The following LIPK variants were observed in gnomAD, a reference collection of about 807,000 sequenced individuals.
LIPK encodes the protein lipase member K.
A neutral mutation model predicts 48.6 loss-of-function variants in LIPK; 32 were observed. The observed-to-expected ratio is 0.66, with a 90% CI of 0.50 to 0.88. LIPK has a LOEUF of 0.88. Ranked by LOEUF, LIPK falls within the 40% of genes least tolerant of loss-of-function variation. The pLI, the probability that LIPK is intolerant of heterozygous loss-of-function variation, is 0.00. For synonymous variants in LIPK, 164 were observed against 157.4 expected (o/e 1.04, Z -0.32); for missense variants, 507 against 478.5 (o/e 1.06, Z -0.56).
chr10:88,710,931 T>C (rs1842016099), intron 1 of LIPK, among the ~76,000 whole-genome samples: 1 of 152,188 alleles, frequency 6.6e-6, no homozygotes, highest in Non-Finnish European at 1.5e-5. Flanking sequence ...CATCAATATA[T>C]GGAAAGGTCC....
rs1841981289 is a variant in LIPK at position 88,708,986 on chromosome 10, T to C, written c.-12+2666T>C. ...TGTGATTTTAATTTTTCTTTGTATA[T>C]AATTGTCCAAAGGATCATAACACAT... On this transcript the variant is annotated intron_variant, in intron 1 of 9. Coordinates refer to ENST00000404190, the MANE Select transcript of LIPK (RefSeq NM_001080518.2). Among the ~76,000 whole-genome samples the C allele has an allele frequency of 2.0e-5, 3 of 152,308 alleles. No individual in the cohort carries two copies. In the South Asian group the frequency reaches 6.2e-4, roughly 32 times the overall value.
At chr10:88,729,950 C>G (rs1291686143) in intron 3 of LIPK, among the ~76,000 whole-genome samples, 1 of 152,200 alleles carries the variant, frequency 6.6e-6, no homozygotes, top group Non-Finnish European at 1.5e-5. Flanking sequence ...TTTCTCACTT[C>G]TTTCTTTTTC....
intron 4 of LIPK, among the ~76,000 whole-genome samples, chr10:88,731,552 G>T (rs1172248675): frequency 6.6e-6 from 1 of 152,238 alleles, no homozygotes; most frequent in African/African-American, 2.4e-5. Flanking sequence ...GGAGCAAACT[G>T]ATGCACTGGC....
intron 1 of LIPK, among the ~76,000 whole-genome samples, chr10:88,718,119 C>A (rs1252189294): frequency 2.6e-5 from 4 of 151,542 alleles, no homozygotes; most frequent in African/African-American, 4.8e-5. Flanking sequence ...CCCATGCATT[C>A]TACATTCCCA....
At chr10:88,709,889 T>G (rs994095895) in intron 1 of LIPK, among the ~76,000 whole-genome samples, 1 of 152,140 alleles carries the variant, frequency 6.6e-6, no homozygotes, top group African/African-American at 2.4e-5. Flanking sequence ...CCAGAAATTC[T>G]CAGGCCAAAT....
At chr10:88,733,826 C>T (rs117920091) in intron 6 of LIPK, among the ~76,000 whole-genome samples, 5,221 of 152,262 alleles carry the variant, frequency 0.034, 138 homozygotes, top group Non-Finnish European at 0.056. Flanking sequence ...GGAGCTACTA[C>T]TTCAAGGCCC....
At chr10:88,727,484 A>G (rs1340960872) in intron 3 of LIPK, 1 of 162,132 alleles carries the variant, frequency 6.2e-6, no homozygotes, top group Non-Finnish European at 1.3e-5. Context: ...TAGCAACAGC[A>G]TCTCAGCTTG....
chr10:88,720,685 G>C (rs1307542478), intron 1 of LIPK, among the ~76,000 whole-genome samples: 1 of 148,946 alleles, frequency 6.7e-6, no homozygotes, highest in South Asian at 2.2e-4. Flanking sequence ...GTATGTGTGT[G>C]TGTAGTCTGA....
At chr10:88,737,443 G>A (rs1842594928) in intron 6 of LIPK, among the ~76,000 whole-genome samples, 192 bp from the exon 7 acceptor site, 1 of 152,110 alleles carries the variant, frequency 6.6e-6, no homozygotes, top group South Asian at 2.1e-4. Flanking sequence ...CCCAATTAAA[G>A]ATTTTTGGGA....
chr10:88,733,342 C>T (rs1217131841), intron 6 of LIPK, among the ~76,000 whole-genome samples: 1 of 152,200 alleles, frequency 6.6e-6, no homozygotes, highest in Admixed American at 6.5e-5. Flanking sequence ...TGTATTTTAA[C>T]ATGGGCTTCT....
intron 3 of LIPK, chr10:88,728,645 G>A (rs753376655): frequency 4.9e-5 from 24 of 489,648 alleles, no homozygotes; most frequent in Non-Finnish European, 9.8e-5. Flanking sequence ...CCTACAGGAA[G>A]CTGCTGGAGG....
rs115515325 is a variant in LIPK, at chr10:88,707,363, A to G, written c.-12+1043A>G. Among the ~76,000 whole-genome samples the G allele has an allele frequency of 7.6e-3, 1,164 of 152,210 alleles. 16 individuals are homozygous for G. The highest frequency in any genetic ancestry group is 0.026 in the African/African-American group (1,094 of 41,548). ...TATCCTGTCTCTCCCTTACTTTGTA[A>G]GGACATTGAGGGAAAAATTATTTCC... On this transcript the variant is annotated intron_variant, in intron 1 of 9. Coordinates refer to ENST00000404190, the MANE Select transcript of LIPK (RefSeq NM_001080518.2).
At chr10:88,727,095 A>G (rs905866044) in intron 3 of LIPK, among the ~76,000 whole-genome samples, 183 bp downstream of exon 3, 4 of 152,176 alleles carry the variant, frequency 2.6e-5, no homozygotes, top group Admixed American at 1.3e-4. Context: ...TCACTTTTAC[A>G]TACACTGTTT....
chr10:88,731,732 A>C (rs982593266), intron 4 of LIPK, among the ~76,000 whole-genome samples: 1 of 152,246 alleles, frequency 6.6e-6, no homozygotes, highest in Admixed American at 6.5e-5. Flanking sequence ...TAAACTATAC[A>C]TAGGATCAGA....
At chr10:88,728,803 C>T (rs424371) in intron 3 of LIPK, 139,477 of 181,944 alleles carry the variant, frequency 0.77, 54,616 homozygotes, top group East Asian at 1. Context: ...TTGACTGTGG[C>T]GGGGACTCCG....
intron 8 of LIPK, among the ~76,000 whole-genome samples, chr10:88,742,234 G>A (rs1209087756): frequency 6.6e-6 from 1 of 152,104 alleles, no homozygotes; most frequent in Non-Finnish European, 1.5e-5. Context: ...ATTTGGGTGG[G>A]GACACAGAGC....
chr10:88,714,378 G>T, intron 1 of LIPK, among the ~76,000 whole-genome samples: 1 of 152,108 alleles, frequency 6.6e-6, no homozygotes, highest in East Asian at 1.9e-4. Flanking sequence ...ACTAAGAATA[G>T]TTTGTCAAGA....
chr10:88,708,465 A>T (rs1162086030), intron 1 of LIPK, among the ~76,000 whole-genome samples: 2 of 152,092 alleles, frequency 1.3e-5, no homozygotes, highest in Non-Finnish European at 2.9e-5. Flanking sequence ...ATAAAAATTT[A>T]AAAATATATA....
chr10:88,721,118 A>AG (rs375756800), intron 1 of LIPK, among the ~76,000 whole-genome samples: 118,593 of 151,428 alleles, frequency 0.78, 47,405 homozygotes, highest in East Asian at 1. Flanking sequence ...TCTTAGTCTA[A>AG]TATCCTTATA....
Sources: allele counts gnomAD v4.1 joint callset (sites outside exome capture counted in the v4.1 genomes callset), GRCh38; gene constraint gnomAD v4.1.1; transcripts MANE v1.5; gene names NCBI Gene and HGNC (gene_info 2026-07-23, HGNC 2026-07-21).